SLIT3: variants seen among roughly 807,000 people sequenced by gnomAD.
The protein encoded by SLIT3 is slit guidance ligand 3.
In SLIT3, 68 loss-of-function variants were observed where a neutral mutation model predicts 184.0. The observed-to-expected ratio is 0.37, with a 90% confidence interval of 0.30 to 0.45. The LOEUF (loss-of-function observed/expected upper bound fraction) is 0.45, where lower values mean the gene tolerates loss of function less well. Among genes scored for constraint, SLIT3 ranks in the 20% least tolerant of loss-of-function variants. The pLI, the probability that SLIT3 is intolerant of heterozygous loss-of-function variation, is 1.00. For missense variants in SLIT3, 1,707 were observed against 2,026.0 expected (o/e 0.84, Z 3.02); for synonymous variants, 831 against 828.6 (o/e 1.00, Z -0.05).
At chr5:169,253,457 G>A (rs1243361955) in intron 1 of SLIT3, among the ~76,000 whole-genome samples, 2 of 152,190 alleles carry the variant, frequency 1.3e-5, no homozygotes, top group South Asian at 4.1e-4. Flanking sequence ...TGGGAGCTGA[G>A]CTTCAGAGGC....
chr5:168,813,350 G>A (rs918438062), intron 8 of SLIT3, among the ~76,000 whole-genome samples: 7 of 148,546 alleles, frequency 4.7e-5, no homozygotes, highest in Non-Finnish European at 8.9e-5. Context: ...TGCAACTCAT[G>A]TAACATGAAC....
At chr5:169,146,253 C>T (rs553707707) in intron 4 of SLIT3, among the ~76,000 whole-genome samples, 229 of 152,344 alleles carry the variant, frequency 1.5e-3, no homozygotes, top group African/African-American at 5.3e-3. Context: ...ACCCAGGCAG[C>T]CAGGCTGCAA....
chr5:169,198,687 A>G (rs1034225240), intron 3 of SLIT3, among the ~76,000 whole-genome samples: 1 of 152,146 alleles, frequency 6.6e-6, no homozygotes. Context: ...TAATCCCAGC[A>G]CTTTGGGAGG....
At chr5:169,183,072 G>A (rs1332702583) in intron 4 of SLIT3, among the ~76,000 whole-genome samples, 4 of 152,112 alleles carry the variant, frequency 2.6e-5, no homozygotes, top group East Asian at 3.9e-4. Context: ...TATACCCTCC[G>A]GGCTCAGGTT....
At chr5:168,970,135 C>T (rs954928272) in intron 4 of SLIT3, among the ~76,000 whole-genome samples, 2 of 149,390 alleles carry the variant, frequency 1.3e-5, no homozygotes, top group African/African-American at 2.5e-5. Flanking sequence ...GAGCTGAGAT[C>T]GTGCCACTGC....
chr5:168,977,065 C>A (rs1373421329), intron 4 of SLIT3, among the ~76,000 whole-genome samples: 1 of 151,988 alleles, frequency 6.6e-6, no homozygotes, highest in African/African-American at 2.4e-5. Flanking sequence ...AACAAAGGGG[C>A]CCAGGAGGGA....
intron 1 of SLIT3, among the ~76,000 whole-genome samples, chr5:169,282,719 T>C (rs1767032476): frequency 6.6e-6 from 1 of 152,230 alleles, no homozygotes; most frequent in Non-Finnish European, 1.5e-5. Flanking sequence ...AGCAAGCGAT[T>C]CTGGTTCACC....
At chr5:169,174,634 T>C (rs995195244) in intron 4 of SLIT3, among the ~76,000 whole-genome samples, 10 of 152,208 alleles carry the variant, frequency 6.6e-5, no homozygotes, top group Admixed American at 3.9e-4. Context: ...GCCCAGCACA[T>C]AGTACAGTAC....
chr5:168,763,270 G>C (rs568247088), intron 14 of SLIT3, among the ~76,000 whole-genome samples: 1 of 152,092 alleles, frequency 6.6e-6, no homozygotes, highest in Non-Finnish European at 1.5e-5. Flanking sequence ...ATCGACGCCT[G>C]GCTGTAAGAT....
intron 33 of SLIT3, among the ~76,000 whole-genome samples, 155 bp from the exon 34 acceptor site, chr5:168,671,638 A>C (rs1007973321): frequency 1.3e-5 from 2 of 152,220 alleles, no homozygotes; most frequent in Non-Finnish European, 2.9e-5. Context: ...GACCTCCTCC[A>C]TACAGGGACG....
chr5:169,210,698 G>A (rs1764234979), intron 3 of SLIT3, among the ~76,000 whole-genome samples: 1 of 152,160 alleles, frequency 6.6e-6, no homozygotes, highest in East Asian at 1.9e-4. Flanking sequence ...AGGTAGGAAT[G>A]AATGAATCAA....
Position 168,938,309 on chromosome 5 carries a change from A to G in SLIT3, c.414-54973T>C, listed in dbSNP as rs940705972. ...CTATGGATAGATTTTAATGATATGGATAAATCTCTAACTTTCACAGAGAAT... is the reference window on the plus strand; with the variant it reads ...CTATGGATAGATTTTAATGATATGGGTAAATCTCTAACTTTCACAGAGAAT... On this transcript the variant is annotated intron_variant, in intron 4 of 35. Transcript: ENST00000519560. 6.6e-5 allele frequency among the ~76,000 whole-genome samples: 10 copies of G among 152,368 alleles called. No homozygotes were observed. The South Asian group carries it at 1.7e-3, about 25-fold the overall frequency.
intron 4 of SLIT3, among the ~76,000 whole-genome samples, chr5:168,986,899 T>C (rs1253491246): frequency 2.0e-5 from 3 of 152,200 alleles, no homozygotes; most frequent in African/African-American, 7.2e-5. Context: ...AGGCTAATAT[T>C]TAGCCGGGCG....
intron 4 of SLIT3, among the ~76,000 whole-genome samples, chr5:169,171,775 T>C (rs114216708): frequency 0.015 from 2,336 of 152,322 alleles, 54 homozygotes; most frequent in African/African-American, 0.054. Context: ...AAAAATTCAC[T>C]CTATCCCTAG....
intron 4 of SLIT3, among the ~76,000 whole-genome samples, chr5:169,016,836 A>G (rs1756401450): frequency 6.6e-6 from 1 of 152,232 alleles, no homozygotes; most frequent in Non-Finnish European, 1.5e-5. Flanking sequence ...CATTAGGAAC[A>G]TAGTAAATGC....
At chr5:168,777,087 ACACACACACACACACACACCCC>A (rs1445253254) in intron 12 of SLIT3, among the ~76,000 whole-genome samples, 1 of 69,676 alleles carries the variant, frequency 1.4e-5, no homozygotes, top group Admixed American at 1.8e-4. Context: ...ACACACACAC[ACACACACACACACACACACCCC>A]CCATACCACA....
intron 4 of SLIT3, among the ~76,000 whole-genome samples, chr5:169,167,704 C>A (rs775337886): frequency 6.6e-6 from 1 of 152,174 alleles, no homozygotes; most frequent in Non-Finnish European, 1.5e-5. Flanking sequence ...TGGTAAGGAG[C>A]AGAGGGTGGC....
rs111905043 is a variant in SLIT3 at position 169,034,044 on chromosome 5, C to T, written c.414-150708G>A. 1.6e-3 allele frequency among the ~76,000 whole-genome samples: 243 copies of T among 152,038 alleles called. 1 individual carries two copies. Among genetic ancestry groups the T allele is most frequent in the African/African-American group, 5.3e-3 (221 of 41,450 alleles). ...GGCCAGGATGGTCTTGATCTCTTGA[C>T]CTTGTGATCCACCTGCCTCAGCCTC... On this transcript the variant is annotated intron_variant, in intron 4 of 35. Coordinates refer to ENST00000519560, the MANE Select transcript of SLIT3 (RefSeq NM_003062.4).
chr5:168,729,620 A>G lies in SLIT3; in HGVS notation c.2271-5136T>C, dbSNP rs115333924. On this transcript the variant is annotated intron_variant, in intron 20 of 35. Coordinates refer to ENST00000519560, the MANE Select transcript of SLIT3 (RefSeq NM_003062.4). ...AAGGGAATTTGCCACCACTAGAGCAACCCTATAGGAAATGTTCAATGAGGT... is the reference window on the plus strand; with the variant it reads ...AAGGGAATTTGCCACCACTAGAGCAGCCCTATAGGAAATGTTCAATGAGGT... Among the ~76,000 whole-genome samples, 1,210 of 152,242 alleles carry G rather than the reference A, an allele frequency of 7.9e-3. 23 individuals are homozygous for G. The highest frequency in any genetic ancestry group is 0.028 in the African/African-American group (1,149 of 41,560).
Sources: gnomAD v4.1 joint callset for allele counts (sites outside exome capture counted in the v4.1 genomes callset) on GRCh38, gnomAD v4.1.1 for gene constraint, MANE v1.5 for transcripts, NCBI Gene and HGNC (gene_info 2026-07-23, HGNC 2026-07-21) for gene names.